The following SYNJ2 variants were observed in gnomAD, a reference collection of about 807,000 sequenced individuals.
SYNJ2 encodes the protein synaptojanin 2.
A neutral mutation model predicts 141.3 loss-of-function variants in SYNJ2; 116 were observed. The observed-to-expected ratio is 0.82, with a 90% CI of 0.71 to 0.96. The LOEUF (loss-of-function observed/expected upper bound fraction) is 0.96, where lower values mean the gene tolerates loss of function less well. Ranked by LOEUF, SYNJ2 falls within the 40% of genes least tolerant of loss-of-function variation. SYNJ2 has a pLI of 0.00. For missense variants in SYNJ2, 1,873 were observed against 1,934.8 expected (o/e 0.97, Z 0.60); for synonymous variants, 745 against 777.7 (o/e 0.96, Z 0.70).
chr6:158,089,843 A>G lies in SYNJ2; in HGVS notation c.3461A>G (p.Lys1154Arg). Residue 1154 changes from lysine to arginine, a missense_variant, in exon 25 of 27, where the codon AAG becomes AGG. By Grantham distance (26) the Lys-to-Arg change is conservative (BLOSUM62 2). Coordinates refer to ENST00000355585, the MANE Select transcript of SYNJ2 (RefSeq NM_003898.4). The part of the protein sequence containing the change: ...LLPGAPQQPP[K>R]ARTGISKPYN... The stretch of plus-strand genomic sequence containing the variant: ...CTTCCTCATTCTGTCCTCAAGCCCA[A>G]GGCTCGGACTGGAATAAGTAAACCT... The G allele has an allele frequency of 1.2e-6, 2 of 1,613,410 alleles. No homozygotes were observed. The highest frequency in any genetic ancestry group is 1.7e-4 in the Middle Eastern group (1 of 6,058).
rs1013132885 is a variant in SYNJ2 at position 158,006,006 on chromosome 6, C to T, written c.128-11198C>T. Among the ~76,000 whole-genome samples, 8 of 152,272 alleles carry T rather than the reference C, an allele frequency of 5.3e-5. No individual in the cohort carries two copies. In the South Asian group the frequency reaches 1.5e-3, roughly 28 times the overall value. On this transcript the variant is annotated intron_variant, in intron 1 of 26. Coordinates refer to ENST00000355585, the MANE Select transcript of SYNJ2 (RefSeq NM_003898.4). ...CGGAGCTCCCTGCTCCTGCCACATC[C>T]GTCCTGACCTCTCTCTTGGCTGCAT...
In SYNJ2 at chr6:157,982,430, G is replaced by C. The variant is rs1330248600; in HGVS notation, c.127+342G>C. On this transcript the variant is annotated intron_variant, in intron 1 of 26. Coordinates refer to ENST00000355585, the MANE Select transcript of SYNJ2 (RefSeq NM_003898.4). This position sits in a 1 kb window ranked among gnomAD's most constrained non-coding sequence, Gnocchi z 4.0. ...CTTAGCCGGCCTGACCCTGTGCCTG[G>C]CGCCTTTTCTTTTGCACCTGTTGAT... Among the ~76,000 whole-genome samples, 1 of 152,174 alleles carries C rather than the reference G, an allele frequency of 6.6e-6. No individual in the cohort carries two copies. Among genetic ancestry groups the C allele is most frequent in the African/African-American group, 2.4e-5 (1 of 41,446 alleles).
chr6:158,070,902 G>T lies in SYNJ2; in HGVS notation c.1941-700G>T, dbSNP rs1781879540. Among the ~76,000 whole-genome samples the T allele has an allele frequency of 6.6e-6, 1 of 152,210 alleles. No individual in the cohort carries two copies. The highest frequency in any genetic ancestry group is 2.1e-4 in the South Asian group (1 of 4,832). ...TCCTAGCTCTTAAAGTGCATTGATT[G>T]CTGGGCACGGTGTCTCACGCCTGTA... On this transcript the variant is annotated intron_variant, in intron 14 of 26. Coordinates refer to ENST00000355585, the MANE Select transcript of SYNJ2 (RefSeq NM_003898.4). This position sits in a 1 kb window ranked among gnomAD's most constrained non-coding sequence, Gnocchi z 4.0.
intron 26 of SYNJ2, among the ~76,000 whole-genome samples, chr6:158,094,372 C>T (rs1428907023): frequency 1.6e-5 from 2 of 121,740 alleles, no homozygotes; most frequent in Non-Finnish European, 3.2e-5. Context: ...ACTCAGAACA[C>T]ATACATTAGC....
intron 2 of SYNJ2, among the ~76,000 whole-genome samples, chr6:158,018,145 G>A (rs1027983216): frequency 6.6e-6 from 1 of 152,206 alleles, no homozygotes; most frequent in African/African-American, 2.4e-5. Context: ...AGAACTTCCA[G>A]GAAGACGTGG....
rs778921516 is a variant in SYNJ2, at chr6:158,069,647, A to T, written c.1914A>T (p.Val638=). 1 of 1,613,748 alleles carries T rather than the reference A, an allele frequency of 6.2e-7. No individual in the cohort carries two copies. The highest frequency in any genetic ancestry group is 8.5e-7 in the Non-Finnish European group (1 of 1,179,776). ...QLVGVCLYIF[V]RPYHVPFIRD... ...TGGGCGTCTGTCTTTATATCTTTGT[A>T]CGTCCATACCATGTCCCGTTCATCA... Residue 638 remains valine, a synonymous_variant, in exon 14 of 27, where the codon GTA becomes GTT. Coordinates refer to ENST00000355585, the MANE Select transcript of SYNJ2 (RefSeq NM_003898.4).
At chr6:158,047,267 G>T (rs1780291106) in intron 5 of SYNJ2, among the ~76,000 whole-genome samples, 1 of 152,186 alleles carries the variant, frequency 6.6e-6, no homozygotes, top group Non-Finnish European at 1.5e-5. Context: ...AGCCACCACA[G>T]AAAGAACCAC....
In SYNJ2 at chr6:157,999,112, A is replaced by G. The variant is rs188044840; in HGVS notation, c.127+17024A>G. On this transcript the variant is annotated intron_variant, in intron 1 of 26. Coordinates refer to ENST00000355585, the MANE Select transcript of SYNJ2 (RefSeq NM_003898.4). ...ATAGATCATGAAGAAGGAAGGACAA[A>G]TAGTTCAACAGAGAAATTGGCAAAG... Among the ~76,000 whole-genome samples the G allele has an allele frequency of 2.8e-3, 421 of 152,362 alleles. 2 individuals carry two copies. The highest frequency in any genetic ancestry group is 9.4e-3 in the African/African-American group (391 of 41,592).
At chr6:158,015,822 GATC>G (rs984588843) in intron 1 of SYNJ2, among the ~76,000 whole-genome samples, 2 of 152,150 alleles carry the variant, frequency 1.3e-5, no homozygotes, top group African/African-American at 2.4e-5. Context: ...TGGTATTTGT[GATC>G]ATATTTATTT....
chr6:158,061,140 C>G (rs999515342), intron 7 of SYNJ2, among the ~76,000 whole-genome samples: 2 of 152,244 alleles, frequency 1.3e-5, no homozygotes, highest in Non-Finnish European at 2.9e-5. Flanking sequence ...CAGGCAGTCA[C>G]GTTGAGTCAG....
Position 158,043,415 on chromosome 6 carries a change from A to T in SYNJ2, c.795+16A>T. 6.2e-7 allele frequency: 1 copy of T among 1,601,336 alleles called. No homozygotes were observed. Among genetic ancestry groups the T allele is most frequent in the Non-Finnish European group, 8.6e-7 (1 of 1,168,760 alleles). ...AGGGCTTCAGGTAGGTCATGAAAAA[A>T]CTTAAATGTCCCCTTGTGATGTTGT... On this transcript the variant is annotated intron_variant, in intron 5 of 26. Coordinates refer to ENST00000355585, the MANE Select transcript of SYNJ2 (RefSeq NM_003898.4). The surrounding 1 kb of genome is among the most constrained non-coding windows in gnomAD (Gnocchi z 4.0).
rs143375342 is a variant in SYNJ2, at chr6:158,042,768, C to T, written c.712-548C>T. Among the ~76,000 whole-genome samples, 844 of 152,304 alleles carry T rather than the reference C, an allele frequency of 5.5e-3. 6 individuals carry two copies. Among genetic ancestry groups the T allele is most frequent in the African/African-American group, 0.016 (646 of 41,570 alleles). ...TAACTGAGTGGTGTGTTTAAGAACA[C>T]AGTGGGGCAGGGCCAGGACCAAGTA... On this transcript the variant is annotated intron_variant, in intron 4 of 26. Transcript: ENST00000355585.
chr6:158,069,971 G>A (rs1781815539), intron 14 of SYNJ2, among the ~76,000 whole-genome samples: 1 of 152,184 alleles, frequency 6.6e-6, no homozygotes, highest in Admixed American at 6.5e-5. Context: ...GTTCCTTGTT[G>A]GAATCTTATA....
chr6:158,060,292 C>T (rs371286814), intron 7 of SYNJ2, among the ~76,000 whole-genome samples: 40 of 152,240 alleles, frequency 2.6e-4, no homozygotes, highest in African/African-American at 8.7e-4. Flanking sequence ...CAAGAGACTC[C>T]GCCCACCTGG....
At position 158,071,804 on chromosome 6, in the gene SYNJ2, G is replaced by A. The variant is rs372861189; in HGVS notation, c.2133+10G>A. 90 of 1,611,314 alleles carry A rather than the reference G, an allele frequency of 5.6e-5. No individual in the cohort carries two copies. Among genetic ancestry groups the A allele is most frequent in the African/African-American group, 8.0e-5 (6 of 75,028 alleles). Reference sequence around the variant, plus strand: ...ACTCTGCTTCCCAATGGTGAGCGGCGCCGTGGGGACAGCCAGCACCTCCCT... The same window carrying A: ...ACTCTGCTTCCCAATGGTGAGCGGCACCGTGGGGACAGCCAGCACCTCCCT... On this transcript the variant is annotated intron_variant, in intron 15 of 26. Coordinates refer to ENST00000355585, the MANE Select transcript of SYNJ2 (RefSeq NM_003898.4). This position sits in a 1 kb window ranked among gnomAD's most constrained non-coding sequence, Gnocchi z 4.3.
At chr6:158,044,606 T>C (rs1251244170) in intron 5 of SYNJ2, among the ~76,000 whole-genome samples, 2 of 152,080 alleles carry the variant, frequency 1.3e-5, no homozygotes, top group Admixed American at 1.3e-4. Flanking sequence ...TTTGGAAAAA[T>C]AGCTTTATTG....
At position 157,982,348 on chromosome 6, in the gene SYNJ2, G is replaced by C. The variant is rs2128311605; in HGVS notation, c.127+260G>C. 6.6e-6 allele frequency among the ~76,000 whole-genome samples: 1 copy of C among 152,346 alleles called. No homozygotes were observed. The highest frequency in any genetic ancestry group is 2.4e-5 in the African/African-American group (1 of 41,586). ...CCGGCCCGCGCCGCCAGAGGATATG[G>C]TTGCTGGATAGCCGGCTGGGGCGCT... On this transcript the variant is annotated intron_variant, in intron 1 of 26. Coordinates refer to ENST00000355585, the MANE Select transcript of SYNJ2 (RefSeq NM_003898.4). This position sits in a 1 kb window ranked among gnomAD's most constrained non-coding sequence, Gnocchi z 4.0.
intron 25 of SYNJ2, 116 bp from the exon 26 acceptor site, chr6:158,092,810 C>A: frequency 2.0e-6 from 2 of 1,014,714 alleles, no homozygotes; most frequent in Non-Finnish European, 2.8e-6. Flanking sequence ...TAGCTGATTA[C>A]TCCTGAAATA....
chr6:157,996,058 A>G (rs1020405386), intron 1 of SYNJ2, among the ~76,000 whole-genome samples: 2 of 152,200 alleles, frequency 1.3e-5, no homozygotes, highest in African/African-American at 4.8e-5. Context: ...AGTAAATCCA[A>G]TTAAATTCCA....
Sources: allele counts gnomAD v4.1 joint callset (sites outside exome capture counted in the v4.1 genomes callset), GRCh38; gene constraint gnomAD v4.1.1; non-coding constraint Gnocchi (gnomAD v3.1); transcripts MANE v1.5; gene names NCBI Gene and HGNC (gene_info 2026-07-23, HGNC 2026-07-21).